TIMM21: variants seen among roughly 807,000 people sequenced by gnomAD.
TIMM21 encodes the protein mitochondrial import inner membrane translocase subunit Tim21.
Under a neutral mutation model 27.7 loss-of-function variants are expected in TIMM21, and 30 were observed. The observed-to-expected ratio is 1.08, with a 90% confidence interval of 0.81 to 1.47. The LOEUF is 1.47. Ranked by LOEUF, TIMM21 falls within the 40% of genes most tolerant of loss-of-function variation. The probability of loss-of-function intolerance (pLI) is 0.00; values close to 1 mark genes in which losing one functional copy is unlikely to be tolerated. For missense variants in TIMM21, 292 were observed against 302.9 expected, an observed-to-expected ratio of 0.96 and a Z score of 0.27; for synonymous variants, 121 against 114.4, an observed-to-expected ratio of 1.06 and a Z score of -0.37.
Position 74,158,030 on chromosome 18 carries a change from G to A in TIMM21, c.479G>A (p.Gly160Asp). The A allele has an allele frequency of 3.1e-6, 5 of 1,614,196 alleles. No homozygotes were observed. The highest frequency in any genetic ancestry group is 4.2e-6 in the Non-Finnish European group (5 of 1,180,032). ...GTTCTGCAGGTGATCGGTGTCTTTG[G>A]TGAGTCTGTTAAAGGCTATGGGGAG... ...RSHPEVIGVF[G>D]ESVKGYGEVT... is the part of the protein sequence containing the mutation. The change falls in exon 4 of 6, where the codon GGT becomes GAT. Residue 160 changes from glycine (G) to aspartate (D), a missense_variant. Physicochemically the swap from Gly to Asp is moderately conservative, Grantham distance 94 (BLOSUM62 -1). Coordinates refer to ENST00000169551, the MANE Select transcript of TIMM21 (RefSeq NM_014177.3).
At chr18:74,154,532 A>C (rs958626414) in intron 1 of TIMM21, among the ~76,000 whole-genome samples, 1 of 150,728 alleles carries the variant, frequency 6.6e-6, no homozygotes, top group Non-Finnish European at 1.5e-5. Flanking sequence ...AAGTGCTGGG[A>C]TTACAGGCAT....
chr18:74,149,328 T>A (rs1182448909), intron 1 of TIMM21, among the ~76,000 whole-genome samples: 1 of 152,234 alleles, frequency 6.6e-6, no homozygotes, highest in Non-Finnish European at 1.5e-5. Context: ...ATATAACTTT[T>A]TTTCATTATG....
chr18:74,157,840 C>A, intron 3 of TIMM21, 174 bp from the exon 4 acceptor site: 1 of 641,678 alleles, frequency 1.6e-6, no homozygotes, highest in East Asian at 2.8e-5. Context: ...TGTGATCCAC[C>A]CATCTTGGCC....
intron 3 of TIMM21, 134 bp from the exon 4 acceptor site, chr18:74,157,880 C>A: frequency 1.1e-6 from 1 of 921,072 alleles, no homozygotes; most frequent in Non-Finnish European, 1.6e-6. Flanking sequence ...TAGGCGTGAG[C>A]CAGGAGTGGT....
Position 74,159,695 on chromosome 18 carries a change from G to A in TIMM21, c.*1215G>A, listed in dbSNP as rs892697890. Reference sequence around the variant, plus strand: ...TATAACAGACACTCGTCTCCCTGACGTAACACACTTTGACTGAATGAGGCC... The same window carrying A: ...TATAACAGACACTCGTCTCCCTGACATAACACACTTTGACTGAATGAGGCC... On this transcript the variant is annotated 3_prime_UTR_variant, in exon 6 of 6. Coordinates refer to ENST00000169551, the MANE Select transcript of TIMM21 (RefSeq NM_014177.3). The A allele has an allele frequency of 6.6e-6, 1 of 152,120 alleles. No homozygotes were observed. Among genetic ancestry groups the A allele is most frequent in the Admixed American group, 6.5e-5 (1 of 15,280 alleles). 9.4% of individuals were successfully genotyped at this position (152,120 alleles called of 1,614,324 possible). A position where few individuals can be genotyped will look rare whatever the true frequency, so the allele number is the denominator to read the frequency against.
rs991643467 is a variant in TIMM21, at chr18:74,152,919, G to A, written c.302-2226G>A. Among the ~76,000 whole-genome samples the A allele has an allele frequency of 3.3e-5, 5 of 152,186 alleles. No homozygotes were observed. The highest frequency in any genetic ancestry group is 7.4e-5 in the Non-Finnish European group (5 of 68,026). On this transcript the variant is annotated intron_variant, in intron 1 of 5. Transcript: ENST00000169551. This position sits in a 1 kb window ranked among gnomAD's most constrained non-coding sequence, Gnocchi z 4.1. ...CCAGTCACTGTCCTACCTAATATGG[G>A]GGCTGAGTCTTATGCTTCTGCATCA... is the stretch of plus-strand genomic sequence containing the variant.
At chr18:74,149,818 G>A (rs1430172924) in intron 1 of TIMM21, among the ~76,000 whole-genome samples, 1 of 152,200 alleles carries the variant, frequency 6.6e-6, no homozygotes, top group African/African-American at 2.4e-5. Flanking sequence ...CATAGAAGTG[G>A]CAAACAGCAT....
chr18:74,149,048 C>G lies in TIMM21; in HGVS notation c.240C>G (p.Ser80Arg). ...CCCGAAAAGCAAAGGAGGATGGCAG[C>G]AAACAAGTGTCTGTGCACAGGAGTC... Reference protein sequence around the residue: ...PSPRKAKEDGSKQVSVHRSQR... With the variant: ...PSPRKAKEDGRKQVSVHRSQR... The change falls in exon 1 of 6, where the codon AGC becomes AGG. Residue 80 changes from serine (S) to arginine (R), a missense_variant. Ser to Arg is a moderately radical substitution (Grantham distance 110). Transcript: ENST00000169551. 6.2e-7 allele frequency: 1 copy of G among 1,614,048 alleles called. No homozygotes were observed. The highest frequency in any genetic ancestry group is 1.1e-5 in the South Asian group (1 of 91,078).
rs953112970 is a variant in TIMM21, at chr18:74,158,740, T to G, written c.*260T>G. 2.5e-5 allele frequency: 9 copies of G among 358,106 alleles called. No individual in the cohort carries two copies. Among genetic ancestry groups the G allele is most frequent in the Admixed American group, 1.4e-4 (3 of 21,364 alleles). The allele number at this position is 358,106 out of a possible 1,614,324, so 22.2% of individuals were successfully genotyped here. A position where few individuals can be genotyped will look rare whatever the true frequency, so the allele number is the denominator to read the frequency against. ...CACCATCTTTCATGATTAGAAATGTTTGTTATTGGAAATGTTACACCATGT... is the reference window on the plus strand; with the variant it reads ...CACCATCTTTCATGATTAGAAATGTGTGTTATTGGAAATGTTACACCATGT... On this transcript the variant is annotated 3_prime_UTR_variant, in exon 6 of 6. Coordinates refer to ENST00000169551, the MANE Select transcript of TIMM21 (RefSeq NM_014177.3).
intron 1 of TIMM21, among the ~76,000 whole-genome samples, chr18:74,154,684 T>G (rs978978355): frequency 3.9e-5 from 6 of 152,252 alleles, no homozygotes; most frequent in African/African-American, 1.2e-4. Flanking sequence ...TTTCTAAGTT[T>G]AATTCATAAA....
intron 1 of TIMM21, among the ~76,000 whole-genome samples, chr18:74,154,542 T>G (rs1319135463): frequency 6.6e-6 from 1 of 151,746 alleles, no homozygotes; most frequent in Non-Finnish European, 1.5e-5. Flanking sequence ...ATTACAGGCA[T>G]GAGCCACCGC....
In TIMM21 at chr18:74,152,396, G is replaced by A. The variant is rs1237442054; in HGVS notation, c.302-2749G>A. Among the ~76,000 whole-genome samples, 1 of 152,120 alleles carries A rather than the reference G, an allele frequency of 6.6e-6. No individual in the cohort carries two copies. Among genetic ancestry groups the A allele is most frequent in the East Asian group, 1.9e-4 (1 of 5,180 alleles). Reference sequence around the variant, plus strand: ...TGCCGGGGAGGAGGCTCCTGCCCTTGGCACTCACCTTCACTGGTGATTAGT... The same window carrying A: ...TGCCGGGGAGGAGGCTCCTGCCCTTAGCACTCACCTTCACTGGTGATTAGT... On this transcript the variant is annotated intron_variant, in intron 1 of 5. Coordinates refer to ENST00000169551, the MANE Select transcript of TIMM21 (RefSeq NM_014177.3). The surrounding 1 kb of genome is among the most constrained non-coding windows in gnomAD (Gnocchi z 4.1).
At chr18:74,155,038 G>A in intron 1 of TIMM21, 107 bp from the exon 2 acceptor site, 1 of 1,063,288 alleles carries the variant, frequency 9.4e-7, no homozygotes, top group Non-Finnish European at 1.4e-6. Flanking sequence ...CAGACCCCTT[G>A]CTTTGATCTG....
At position 74,158,275 on chromosome 18, in the gene TIMM21, A is replaced by AG; in HGVS notation, c.642+1dup. On this transcript the variant is annotated frameshift_variant and splice_region_variant, in exon 5 of 6. Coordinates refer to ENST00000169551, the MANE Select transcript of TIMM21 (RefSeq NM_014177.3). LOFTEE classifies it low-confidence loss of function (END_TRUNC). ...GGAACGGTGTATGCGCAAGTGAAAG[A>AG]GGTGTGGGAATCATGGGATGTGGGG... 6.2e-7 allele frequency: 1 copy of AG among 1,614,066 alleles called. No homozygotes were observed. Among genetic ancestry groups the AG allele is most frequent in the Non-Finnish European group, 8.5e-7 (1 of 1,179,952 alleles).
chr18:74,148,865 G>A lies in TIMM21; in HGVS notation c.57G>A (p.Ser19=), dbSNP rs1286476706. 1 of 1,614,042 alleles carries A rather than the reference G, an allele frequency of 6.2e-7. No homozygotes were observed. Among genetic ancestry groups the A allele is most frequent in the Non-Finnish European group, 8.5e-7 (1 of 1,179,970 alleles). Residue 19 remains serine (S), a synonymous_variant, in exon 1 of 6, where the codon TCG becomes TCA. Transcript: ENST00000169551. ...VQYTEKLHRS[S]AKRLLLPYIV... ...ATACGGAGAAGCTGCACAGGTCCTC[G>A]GCAAAGCGATTGCTTTTGCCATACA... is the stretch of plus-strand genomic sequence containing the variant.
At chr18:74,153,042 C>G (rs1979854391) in intron 1 of TIMM21, among the ~76,000 whole-genome samples, 1 of 152,216 alleles carries the variant, frequency 6.6e-6, no homozygotes, top group Admixed American at 6.5e-5. Flanking sequence ...CAGCTGACAA[C>G]TGTCCGCTAC....
rs764554238 is a variant in TIMM21, at chr18:74,149,035, A to C, written c.227A>C (p.Lys76Thr). The change falls in exon 1 of 6, where the codon AAG (lysine) becomes ACG (threonine). Residue 76 changes from lysine to threonine, a missense_variant. Physicochemically the swap from Lys to Thr is moderately conservative, Grantham distance 78 (BLOSUM62 -1). Transcript: ENST00000169551. Reference sequence around the variant, plus strand: ...CAGGGACCGAGCCCCCGAAAAGCAAAGGAGGATGGCAGCAAACAAGTGTCT... The same window carrying C: ...CAGGGACCGAGCCCCCGAAAAGCAACGGAGGATGGCAGCAAACAAGTGTCT... The part of the protein sequence containing the change: ...WTQGPSPRKA[K>T]EDGSKQVSVH... 1 of 1,614,144 alleles carries C rather than the reference A, an allele frequency of 6.2e-7. No homozygotes were observed. The highest frequency in any genetic ancestry group is 2.2e-5 in the East Asian group (1 of 44,882).
intron 1 of TIMM21, among the ~76,000 whole-genome samples, chr18:74,151,368 G>A (rs770149825): frequency 5.9e-5 from 9 of 152,204 alleles, no homozygotes; most frequent in South Asian, 2.1e-4. Flanking sequence ...AGCCTTGTCC[G>A]CTGCCCTTGT....
intron 1 of TIMM21, among the ~76,000 whole-genome samples, chr18:74,153,047 C>T (rs575388963): frequency 1.2e-3 from 187 of 152,300 alleles, no homozygotes; most frequent in African/African-American, 4.2e-3. Context: ...GACAACTGTC[C>T]GCTACCAGTG....
Sources: allele counts gnomAD v4.1 joint callset (sites outside exome capture counted in the v4.1 genomes callset), GRCh38; gene constraint gnomAD v4.1.1; non-coding constraint Gnocchi (gnomAD v3.1); transcripts MANE v1.5; gene names NCBI Gene and HGNC (gene_info 2026-07-23, HGNC 2026-07-21).